Variants in PLA2R1 observed in about 807,000 individuals in gnomAD.
PLA2R1 encodes secretory phospholipase A2 receptor.
Under a neutral mutation model 195.9 loss-of-function variants are expected in PLA2R1, and 158 were observed. That is an observed-to-expected ratio of 0.81 (90% CI 0.71 to 0.92). The LOEUF is 0.92. Among genes scored for constraint, PLA2R1 ranks in the 40% least tolerant of loss-of-function variants. The pLI is 0.00. For missense variants in PLA2R1, 1,626 were observed against 1,764.6 expected, an observed-to-expected ratio of 0.92 and a Z score of 1.41; for synonymous variants, 586 against 598.2, an observed-to-expected ratio of 0.98 and a Z score of 0.30.
chr2:160,060,689 T>C (rs575425109), intron 1 of PLA2R1, among the ~76,000 whole-genome samples: 4 of 152,316 alleles, frequency 2.6e-5, no homozygotes, highest in African/African-American at 9.6e-5. Flanking sequence ...TGAGAATTTG[T>C]CTCAGGCCAG....
intron 20 of PLA2R1, among the ~76,000 whole-genome samples, chr2:159,961,882 C>T (rs1688469085): frequency 6.6e-6 from 1 of 152,140 alleles, no homozygotes; most frequent in African/African-American, 2.4e-5. Context: ...TTATCAAATG[C>T]TAAGGATTTG....
chr2:160,009,069 G>A (rs192015645), intron 10 of PLA2R1, among the ~76,000 whole-genome samples: 151 of 152,356 alleles, frequency 9.9e-4, no homozygotes, highest in African/African-American at 3.6e-3. Flanking sequence ...GCATTGGCTA[G>A]GATGTGGAGA....
rs564771231 is a variant in PLA2R1 at position 159,946,339 on chromosome 2, C to T, written c.3967+462G>A. ...AGTACCTTTCAATAACCATCAATTA[C>T]ATAAAGAAAAGAATACCATGCTTCC... On this transcript the variant is annotated intron_variant, in intron 27 of 29. Coordinates refer to ENST00000283243, the MANE Select transcript of PLA2R1 (RefSeq NM_007366.5). The T allele has an allele frequency of 1.4e-5, 14 of 984,474 alleles. No individual in the cohort carries two copies. In the East Asian group the frequency reaches 1.5e-3, roughly 104 times the overall value. The allele number at this position is 984,474 out of a possible 1,614,324, so 61.0% of individuals were successfully genotyped here.
chr2:160,036,958 C>G (rs978678017), intron 3 of PLA2R1, among the ~76,000 whole-genome samples: 1 of 152,210 alleles, frequency 6.6e-6, no homozygotes, highest in African/African-American at 2.4e-5. Context: ...GAGTGATCAA[C>G]AGCTTAACAC....
Position 159,977,428 on chromosome 2 carries a change from G to A in PLA2R1, c.2269-12C>T. 6.2e-7 allele frequency: 1 copy of A among 1,611,948 alleles called. No individual in the cohort carries two copies. The highest frequency in any genetic ancestry group is 1.7e-5 in the Admixed American group (1 of 59,934). ...AACGAAGAGACAACCTGCAGCAGAT[G>A]AAGTTCATTATTCCTTAATGATGAT... On this transcript the variant is annotated splice_polypyrimidine_tract_variant and intron_variant, in intron 14 of 29. Coordinates refer to ENST00000283243, the MANE Select transcript of PLA2R1 (RefSeq NM_007366.5).
rs1687067734 is a variant in PLA2R1 at position 159,941,159 on chromosome 2, CT to C, written c.*618del. 6.6e-6 allele frequency: 1 copy of C among 152,120 alleles called. No homozygotes were observed. Among genetic ancestry groups the C allele is most frequent in the Non-Finnish European group, 1.5e-5 (1 of 67,994 alleles). The allele number at this position is 152,120 out of a possible 1,614,324, so 9.4% of individuals were successfully genotyped here. A position where few individuals can be genotyped will look rare whatever the true frequency, so the allele number is the denominator to read the frequency against. ...TTGCCATTTAAAAGAAGGTATTTTT[CT>C]TTCTCCTTTAGCTTGAGATGTTAGA... On this transcript the variant is annotated 3_prime_UTR_variant, in exon 30 of 30. Transcript: ENST00000283243.
In PLA2R1 at chr2:159,937,074, T is replaced by C. The variant is rs547487311; in HGVS notation, c.*4704A>G. On this transcript the variant is annotated 3_prime_UTR_variant, in exon 30 of 30. Coordinates refer to ENST00000283243, the MANE Select transcript of PLA2R1 (RefSeq NM_007366.5). ...TTTTCTATATCAACCAACTGCTTGA[T>C]TATGTTCTCCTTCAGTTTTTTTTAA... is the stretch of plus-strand genomic sequence containing the variant. 1.6e-4 allele frequency: 24 copies of C among 152,244 alleles called. No individual in the cohort carries two copies. The highest frequency in any genetic ancestry group is 3.2e-4 in the Non-Finnish European group (22 of 68,010). 9.4% of individuals were successfully genotyped at this position (152,244 alleles called of 1,614,324 possible). A position where few individuals can be genotyped will look rare whatever the true frequency, so the allele number is the denominator to read the frequency against.
Position 159,976,735 on chromosome 2 carries a change from C to T in PLA2R1, c.2402-15G>A, listed in dbSNP as rs1177535728. 6.2e-7 allele frequency: 1 copy of T among 1,605,158 alleles called. No homozygotes were observed. Among genetic ancestry groups the T allele is most frequent in the Admixed American group, 1.7e-5 (1 of 59,966 alleles). On this transcript the variant is annotated splice_polypyrimidine_tract_variant and intron_variant, in intron 15 of 29. Transcript: ENST00000283243. ...GGGTTTCACATCTGCAAAGTGAAAG[C>T]AAATCACTTTGACTGATCTTGCTTC...
chr2:160,005,270 A>G lies in PLA2R1; in HGVS notation c.1834+382T>C, dbSNP rs141262537. On this transcript the variant is annotated intron_variant, in intron 11 of 29. Coordinates refer to ENST00000283243, the MANE Select transcript of PLA2R1 (RefSeq NM_007366.5). ...AGGAGTTCAATATCAGTCTGTCTCT[A>G]CAGAAAATACAAAAATTAGCTGGGT... is the stretch of plus-strand genomic sequence containing the variant. Among the ~76,000 whole-genome samples, 12 of 152,250 alleles carry G rather than the reference A, an allele frequency of 7.9e-5. 1 individual carries two copies. In the East Asian group the frequency reaches 2.3e-3, roughly 29 times the overall value.
At chr2:160,059,287 T>G (rs1695790855) in intron 1 of PLA2R1, among the ~76,000 whole-genome samples, 1 of 152,160 alleles carries the variant, frequency 6.6e-6, no homozygotes, top group African/African-American at 2.4e-5. Flanking sequence ...GCCTGGAGGT[T>G]GGGGATGCCT....
intron 11 of PLA2R1, among the ~76,000 whole-genome samples, chr2:159,993,453 T>TACACACACACACACACACACACACAC (rs3063677): frequency 2.0e-5 from 3 of 148,198 alleles, no homozygotes; most frequent in African/African-American, 7.5e-5. Flanking sequence ...GTGTTTAATT[T>TACACACACACACACACACACACACAC]ACACACACAC....
At chr2:159,971,020 A>G (rs1262431625) in intron 17 of PLA2R1, among the ~76,000 whole-genome samples, 1 of 152,152 alleles carries the variant, frequency 6.6e-6, no homozygotes, top group Non-Finnish European at 1.5e-5. Flanking sequence ...GTTGATGGGT[A>G]CAGCAAACTA....
intron 3 of PLA2R1, among the ~76,000 whole-genome samples, chr2:160,035,162 C>T (rs1176356141): frequency 1.3e-5 from 2 of 152,130 alleles, no homozygotes; most frequent in African/African-American, 2.4e-5. Flanking sequence ...TTTGGATAAG[C>T]GATACTCAGC....
intron 22 of PLA2R1, 31 bp downstream of exon 22, chr2:159,955,667 T>A (rs770394379): frequency 3.2e-6 from 4 of 1,244,966 alleles, no homozygotes; most frequent in Non-Finnish European, 4.3e-6. Context: ...CTTGCCAAAG[T>A]GATCTCCAAA....
rs1462702786 is a variant in PLA2R1, at chr2:159,932,040, A to C, written c.*9738T>G. 6.6e-5 allele frequency: 10 copies of C among 152,366 alleles called. No individual in the cohort carries two copies. The East Asian group carries it at 1.9e-3, about 29-fold the overall frequency. 9.4% of individuals were successfully genotyped at this position (152,366 alleles called of 1,614,324 possible). A position where few individuals can be genotyped will look rare whatever the true frequency, so the allele number is the denominator to read the frequency against. ...AAGTGTAACGTTAACTTTACTTATTAATATGCAATTACAGATTATCTTCTA... is the reference window on the plus strand; with the variant it reads ...AAGTGTAACGTTAACTTTACTTATTCATATGCAATTACAGATTATCTTCTA... On this transcript the variant is annotated 3_prime_UTR_variant, in exon 30 of 30. Transcript: ENST00000283243.
intron 1 of PLA2R1, among the ~76,000 whole-genome samples, chr2:160,050,442 C>CT (rs905238253): frequency 4.0e-5 from 6 of 150,852 alleles, no homozygotes; most frequent in South Asian, 2.1e-4. Flanking sequence ...CACTCTTTCA[C>CT]TTTTTTTTTT....
At chr2:159,951,229 TA>T in intron 24 of PLA2R1, 110 bp downstream of exon 24, 1 of 685,150 alleles carries the variant, frequency 1.5e-6, no homozygotes, top group Non-Finnish European at 2.6e-6. Flanking sequence ...TTATATTTAT[TA>T]ATATTTTTGG....
At chr2:159,994,096 A>G (rs1691038797) in intron 11 of PLA2R1, among the ~76,000 whole-genome samples, 1 of 152,118 alleles carries the variant, frequency 6.6e-6, no homozygotes, top group Admixed American at 6.6e-5. Context: ...AAAATGGGAC[A>G]TTATGTGCCT....
At chr2:159,947,658 T>G in intron 25 of PLA2R1, 99 bp from the exon 26 acceptor site, 2 of 1,152,798 alleles carry the variant, frequency 1.7e-6, no homozygotes, top group Non-Finnish European at 2.5e-6. Flanking sequence ...GATAAATATA[T>G]GTAACAAGAT....
Sources: allele counts gnomAD v4.1 joint callset (sites outside exome capture counted in the v4.1 genomes callset), GRCh38; gene constraint gnomAD v4.1.1; transcripts MANE v1.5; gene names NCBI Gene and HGNC (gene_info 2026-07-23, HGNC 2026-07-21).